PRR16: variants seen among roughly 807,000 people sequenced by gnomAD.
PRR16 encodes the protein proline rich 16, also known as protein Largen.
Under a neutral mutation model 18.2 loss-of-function variants are expected in PRR16, and 6 were observed. The ratio of observed to expected loss-of-function variants is 0.33; its 90% CI spans 0.18 to 0.65. The LOEUF is 0.65. Ranked by LOEUF, PRR16 falls within the 30% of genes least tolerant of loss-of-function variation. The pLI is 0.74. For missense variants in PRR16, 412 were observed against 376.6 expected, an observed-to-expected ratio of 1.09 and a Z score of -0.78; for synonymous variants, 151 against 147.8, an observed-to-expected ratio of 1.02 and a Z score of -0.16.
At chr5:120,763,741 T>TGTAA in the PRR16 span, among the ~76,000 whole-genome samples, 2 of 152,260 alleles carry the variant, frequency 1.3e-5, no homozygotes, top group South Asian at 2.1e-4. Context: ...ATCAGTTTTT[T>TGTAA]GTAAGTTTAC....
intron 1 of PRR16, among the ~76,000 whole-genome samples, chr5:120,480,949 A>G (rs1376776113): frequency 6.6e-6 from 1 of 152,158 alleles, no homozygotes; most frequent in East Asian, 1.9e-4. Flanking sequence ...CTGTGCTAAC[A>G]GTAAATAGAT....
chr5:120,727,238 G>T, the PRR16 span, among the ~76,000 whole-genome samples: 1 of 151,794 alleles, frequency 6.6e-6, no homozygotes, highest in Non-Finnish European at 1.5e-5. Context: ...TTCTGTACTT[G>T]TCTCCCTTTG....
At chr5:120,536,408 A>G (rs997320159) in intron 1 of PRR16, among the ~76,000 whole-genome samples, 47 of 152,204 alleles carry the variant, frequency 3.1e-4, no homozygotes, top group African/African-American at 1.1e-3. Flanking sequence ...CATATTTTCT[A>G]TTACAATAAA....
the PRR16 span, among the ~76,000 whole-genome samples, chr5:120,752,462 A>T: frequency 1.3e-5 from 2 of 152,054 alleles, no homozygotes; most frequent in South Asian, 4.2e-4. Flanking sequence ...TTTGTACATG[A>T]GAGACATTTT....
chr5:120,708,488 T>C, the PRR16 span, among the ~76,000 whole-genome samples: 17 of 152,198 alleles, frequency 1.1e-4, no homozygotes, highest in African/African-American at 3.9e-4. Context: ...ATATCTTGCA[T>C]GAAATTCTCT....
chr5:120,502,026 G>A (rs546157085), intron 1 of PRR16, among the ~76,000 whole-genome samples: 51 of 150,254 alleles, frequency 3.4e-4, no homozygotes, highest in African/African-American at 1.2e-3. Flanking sequence ...AAGAGAAGGG[G>A]GACTCAAGTA....
At position 120,686,096 on chromosome 5, in the gene PRR16, C is replaced by A. The variant is rs1335584182; in HGVS notation, c.302C>A (p.Ala101Glu). The A allele has an allele frequency of 1.2e-6, 2 of 1,614,002 alleles. No individual in the cohort carries two copies. The highest frequency in any genetic ancestry group is 1.7e-6 in the Non-Finnish European group (2 of 1,180,028). ...SLEKIKVQANAPLIKPPAHPS... is the reference protein window; with the variant it reads ...SLEKIKVQANEPLIKPPAHPS... ...GAGAAGATCAAAGTGCAGGCTAATG[C>A]ACCGCTTATTAAACCCCCAGCACAC... Residue 101 changes from alanine (A) to glutamate (E), a missense_variant, in exon 2 of 2, where the codon GCA becomes GAA. Ala to Glu is a moderately radical substitution (Grantham distance 107). Transcript: ENST00000407149.
intron 1 of PRR16, among the ~76,000 whole-genome samples, chr5:120,527,889 G>T (rs1751422625): frequency 6.6e-6 from 1 of 152,188 alleles, no homozygotes; most frequent in Non-Finnish European, 1.5e-5. Context: ...TTGACAATAA[G>T]AATGGAAATT....
the PRR16 span, among the ~76,000 whole-genome samples, chr5:120,726,825 T>C: frequency 1.3e-5 from 2 of 152,242 alleles, no homozygotes; most frequent in African/African-American, 4.8e-5. Context: ...GGGCTGTATA[T>C]ACTTAGAAGG....
intron 1 of PRR16, among the ~76,000 whole-genome samples, chr5:120,480,006 C>G (rs143331675): frequency 6.6e-6 from 1 of 152,120 alleles, no homozygotes; most frequent in Non-Finnish European, 1.5e-5. Flanking sequence ...AAATAAAATT[C>G]AAAACTAGAC....
the PRR16 span, among the ~76,000 whole-genome samples, chr5:120,785,760 C>CG: frequency 6.6e-6 from 1 of 150,686 alleles, no homozygotes; most frequent in East Asian, 2.0e-4. Context: ...TTAGTAGAGG[C>CG]GGGGTTTCAC....
At chr5:120,675,066 T>A (rs1266765724) in intron 1 of PRR16, among the ~76,000 whole-genome samples, 1 of 152,148 alleles carries the variant, frequency 6.6e-6, no homozygotes. Context: ...TTAACATTGA[T>A]CAATTCATTC....
intron 1 of PRR16, among the ~76,000 whole-genome samples, chr5:120,573,931 A>G (rs1580740088): frequency 1.3e-5 from 2 of 152,028 alleles, no homozygotes; most frequent in East Asian, 1.9e-4. Flanking sequence ...AACACCATTT[A>G]GTATAGCAAA....
chr5:120,699,252 G>A, the PRR16 span, among the ~76,000 whole-genome samples: 1 of 152,152 alleles, frequency 6.6e-6, no homozygotes, highest in South Asian at 2.1e-4. Flanking sequence ...GGAAATGAGA[G>A]GTTCTAAGAG....
At chr5:120,477,780 G>A (rs780786112) in intron 1 of PRR16, among the ~76,000 whole-genome samples, 1 of 151,944 alleles carries the variant, frequency 6.6e-6, no homozygotes, top group Admixed American at 6.6e-5. Flanking sequence ...TTTCTCTGTG[G>A]CTCTCCTTAC....
At chr5:120,757,677 A>G in the PRR16 span, among the ~76,000 whole-genome samples, 2 of 152,078 alleles carry the variant, frequency 1.3e-5, no homozygotes, top group Non-Finnish European at 2.9e-5. Flanking sequence ...TCTTCATTTA[A>G]TTTTAAATAA....
At chr5:120,711,826 C>A in the PRR16 span, among the ~76,000 whole-genome samples, 10 of 152,152 alleles carry the variant, frequency 6.6e-5, no homozygotes, top group African/African-American at 2.4e-4. Flanking sequence ...AGATAACTTA[C>A]ACTTCTCTTT....
chr5:120,488,295 G>T (rs1009468604), intron 1 of PRR16, among the ~76,000 whole-genome samples: 1 of 152,062 alleles, frequency 6.6e-6, no homozygotes, highest in African/African-American at 2.4e-5. Flanking sequence ...TTTTTGGTTG[G>T]TAAGCTATTA....
chr5:120,652,418 A>G (rs1755823461), intron 1 of PRR16, among the ~76,000 whole-genome samples: 1 of 152,086 alleles, frequency 6.6e-6, no homozygotes, highest in Non-Finnish European at 1.5e-5. Flanking sequence ...GAGGAAAAAT[A>G]AGAGAACTTT....
Sources: gnomAD v4.1 joint callset for allele counts (sites outside exome capture counted in the v4.1 genomes callset) on GRCh38, gnomAD v4.1.1 for gene constraint, MANE v1.5 for transcripts, NCBI Gene and HGNC (gene_info 2026-07-23, HGNC 2026-07-21) for gene names.